The following TENM2 variants were observed in gnomAD, a reference collection of about 807,000 sequenced individuals.
TENM2 encodes teneurin transmembrane protein 2, also known as teneurin-2.
A neutral mutation model predicts 245.2 loss-of-function variants in TENM2; 52 were observed. The observed-to-expected ratio is 0.21, with a 90% CI of 0.17 to 0.27. TENM2 has a LOEUF of 0.27. Ranked by LOEUF, TENM2 falls within the 10% of genes least tolerant of loss-of-function variation. The probability of loss-of-function intolerance (pLI) is 1.00; values close to 1 mark genes in which losing one functional copy is unlikely to be tolerated. For missense variants in TENM2, 3,046 were observed against 3,666.8 expected, an observed-to-expected ratio of 0.83 and a Z score of 4.37; for synonymous variants, 1,363 against 1,438.9, an observed-to-expected ratio of 0.95 and a Z score of 1.19.
At chr5:167,876,606 G>A (rs546230155) in intron 3 of TENM2, among the ~76,000 whole-genome samples, 17 of 151,360 alleles carry the variant, frequency 1.1e-4, no homozygotes, top group African/African-American at 4.2e-4. Flanking sequence ...TTGTTTTCTT[G>A]TTGTTGTTTG....
At chr5:167,506,877 A>G (rs537227171) in intron 2 of TENM2, among the ~76,000 whole-genome samples, 11 of 152,294 alleles carry the variant, frequency 7.2e-5, no homozygotes, top group South Asian at 2.1e-4. Flanking sequence ...AAAATTTTCC[A>G]TCATCTTGAA....
At chr5:166,982,732 A>G in the TENM2 span, among the ~76,000 whole-genome samples, 4 of 151,988 alleles carry the variant, frequency 2.6e-5, no homozygotes, top group East Asian at 7.7e-4. Context: ...CACTCATAGT[A>G]TATACCACAG....
chr5:167,420,337 A>C (rs1763428848), intron 2 of TENM2, among the ~76,000 whole-genome samples: 1 of 152,134 alleles, frequency 6.6e-6, no homozygotes, highest in South Asian at 2.1e-4. Context: ...AACTATGTGG[A>C]CTCCGGGATG....
chr5:167,034,554 C>G, the TENM2 span, among the ~76,000 whole-genome samples: 575 of 144,344 alleles, frequency 4.0e-3, 1 homozygote, highest in African/African-American at 0.015. Flanking sequence ...AGCGTGAACC[C>G]GAGAGGCGGA....
intron 3 of TENM2, among the ~76,000 whole-genome samples, chr5:167,929,991 A>T (rs1213686869): frequency 6.6e-6 from 1 of 152,224 alleles, no homozygotes; most frequent in Non-Finnish European, 1.5e-5. Context: ...CAACACTGTT[A>T]TCTTGCCAGA....
At chr5:167,370,626 C>T (rs1581865192) in intron 1 of TENM2, among the ~76,000 whole-genome samples, 1 of 152,334 alleles carries the variant, frequency 6.6e-6, no homozygotes, top group Middle Eastern at 3.4e-3. Flanking sequence ...CATGGGGCCA[C>T]ACTGGGTGAG....
At chr5:168,178,265 C>CCGT (rs1226499673) in intron 13 of TENM2, among the ~76,000 whole-genome samples, 1 of 152,220 alleles carries the variant, frequency 6.6e-6, no homozygotes, top group African/African-American at 2.4e-5. Flanking sequence ...GCTGCACTGG[C>CCGT]CGTCGGCTCA....
intron 2 of TENM2, among the ~76,000 whole-genome samples, chr5:167,436,731 T>G (rs1222584504): frequency 6.6e-6 from 1 of 152,050 alleles, no homozygotes; most frequent in Non-Finnish European, 1.5e-5. Flanking sequence ...CTTGGTGCCC[T>G]GTGTCCCACC....
chr5:167,303,783 C>T (rs572949566), intron 1 of TENM2, among the ~76,000 whole-genome samples: 5 of 152,098 alleles, frequency 3.3e-5, no homozygotes, highest in East Asian at 3.9e-4. Context: ...GTAAGATAAA[C>T]GGGGGAAATA....
intron 1 of TENM2, among the ~76,000 whole-genome samples, chr5:167,353,953 AAAAT>A (rs1307784076): frequency 2.6e-5 from 4 of 152,370 alleles, no homozygotes; most frequent in African/African-American, 4.8e-5. Flanking sequence ...TGCATATTGT[AAAAT>A]AAATAAATGT....
At chr5:167,759,583 G>C (rs1391128908) in intron 2 of TENM2, among the ~76,000 whole-genome samples, 1 of 152,170 alleles carries the variant, frequency 6.6e-6, no homozygotes, top group East Asian at 1.9e-4. Context: ...TGAGTCACCA[G>C]AGGGACGTGA....
chr5:167,979,416 T>C (rs1183537383), intron 4 of TENM2, among the ~76,000 whole-genome samples: 1 of 152,072 alleles, frequency 6.6e-6, no homozygotes, highest in Non-Finnish European at 1.5e-5. Context: ...CAGATAAGGA[T>C]CACGTACATT....
At chr5:167,047,842 AACT>A in the TENM2 span, among the ~76,000 whole-genome samples, 327 of 152,218 alleles carry the variant, frequency 2.1e-3, 2 homozygotes, top group African/African-American at 7.7e-3. Flanking sequence ...CTTTTCAGAG[AACT>A]ACTACATCAG....
chr5:167,859,535 C>T (rs1264304268), intron 2 of TENM2, among the ~76,000 whole-genome samples: 7 of 103,018 alleles, frequency 6.8e-5, no homozygotes, highest in Admixed American at 8.5e-5. Flanking sequence ...ACCCGGCCAG[C>T]CGCCCCGTCC....
At chr5:168,007,132 C>CT (rs72126954) in intron 5 of TENM2, among the ~76,000 whole-genome samples, 23,253 of 146,722 alleles carry the variant, frequency 0.16, 1,950 homozygotes, top group East Asian at 0.27. Flanking sequence ...CTTTTTCTTT[C>CT]TTTTTTTTTT....
At chr5:168,102,358 C>A (rs1272247386) in intron 9 of TENM2, among the ~76,000 whole-genome samples, 1 of 152,210 alleles carries the variant, frequency 6.6e-6, no homozygotes, top group African/African-American at 2.4e-5. Flanking sequence ...CAGGCGTGAG[C>A]CACCTCGCCC....
chr5:168,054,389 A>G (rs1400096995), intron 6 of TENM2, among the ~76,000 whole-genome samples: 1 of 152,256 alleles, frequency 6.6e-6, no homozygotes, highest in Non-Finnish European at 1.5e-5. Flanking sequence ...TTGGTTAAAC[A>G]GAACCCTCAG....
intron 2 of TENM2, among the ~76,000 whole-genome samples, chr5:167,755,509 C>T (rs928273792): frequency 3.3e-5 from 5 of 151,380 alleles, no homozygotes; most frequent in African/African-American, 1.2e-4. Context: ...AATTTATTAA[C>T]TGTAAACATC....
At chr5:167,127,584 A>G in the TENM2 span, among the ~76,000 whole-genome samples, 1 of 151,566 alleles carries the variant, frequency 6.6e-6, no homozygotes, top group African/African-American at 2.4e-5. Context: ...AATGGTCTTG[A>G]AAAGGAAAGC....
Sources: gnomAD v4.1 joint callset for allele counts (sites outside exome capture counted in the v4.1 genomes callset) on GRCh38, gnomAD v4.1.1 for gene constraint, MANE v1.5 for transcripts, NCBI Gene and HGNC (gene_info 2026-07-23, HGNC 2026-07-21) for gene names.